C1QTNF7: variants seen among roughly 807,000 people sequenced by gnomAD.
The protein encoded by C1QTNF7 is complement C1q tumor necrosis factor-related protein 7.
Under a neutral mutation model 19.6 loss-of-function variants are expected in C1QTNF7, and 15 were observed. That is an observed-to-expected ratio of 0.76 (90% confidence interval 0.51 to 1.18). The LOEUF (loss-of-function observed/expected upper bound fraction) is 1.18. Among genes scored for constraint, C1QTNF7 ranks in the 50% most tolerant of loss-of-function variants. The pLI is 0.00. For synonymous variants in C1QTNF7, 142 were observed against 137.5 expected, an observed-to-expected ratio of 1.03 and a Z score of -0.23; for missense variants, 324 against 359.7, an observed-to-expected ratio of 0.90 and a Z score of 0.80.
intron 1 of C1QTNF7, among the ~76,000 whole-genome samples, chr4:15,412,869 A>G (rs1719456476): frequency 6.6e-6 from 1 of 152,202 alleles, no homozygotes; most frequent in Non-Finnish European, 1.5e-5. Flanking sequence ...GAGATCACAT[A>G]AAAAGAACAT....
chr4:15,366,659 A>T (rs1717534730), intron 1 of C1QTNF7, among the ~76,000 whole-genome samples: 1 of 148,642 alleles, frequency 6.7e-6, no homozygotes, highest in South Asian at 2.1e-4. Flanking sequence ...TCTCTTTTTT[A>T]AATTTTCTTT....
chr4:15,346,761 C>G (rs891096551), intron 1 of C1QTNF7, among the ~76,000 whole-genome samples: 10 of 152,150 alleles, frequency 6.6e-5, no homozygotes, highest in African/African-American at 1.4e-4. Context: ...TTAGCATTCC[C>G]TCCTTTCCTT....
upstream of C1QTNF7, among the ~76,000 whole-genome samples, chr4:15,424,752 T>C (rs1711960022): frequency 6.6e-6 from 1 of 152,218 alleles, no homozygotes; most frequent in African/African-American, 2.4e-5. Flanking sequence ...TAGCTTTCTT[T>C]TATGTGGACT....
chr4:15,407,182 T>C (rs1338569787), intron 1 of C1QTNF7, among the ~76,000 whole-genome samples: 3 of 152,086 alleles, frequency 2.0e-5, no homozygotes, highest in South Asian at 2.1e-4. Flanking sequence ...GTAACACCAA[T>C]GGTACAGCCC....
chr4:15,424,053 A>C (rs936963638), upstream of C1QTNF7, among the ~76,000 whole-genome samples: 2 of 152,216 alleles, frequency 1.3e-5, no homozygotes, highest in African/African-American at 4.8e-5. Context: ...TGTTCTAGCC[A>C]AATTCTGTTG....
exon 1 of C1QTNF7, chr4:15,340,005 C>T (rs1030274883): frequency 2.4e-5 from 17 of 718,944 alleles, no homozygotes; most frequent in Non-Finnish European, 3.3e-5. Flanking sequence ...AGCATGAGCT[C>T]CAAGCTTCAA....
chr4:15,424,878 T>C (rs1711966144), upstream of C1QTNF7, among the ~76,000 whole-genome samples: 2 of 152,148 alleles, frequency 1.3e-5, no homozygotes, highest in Admixed American at 1.3e-4. Context: ...AAATTCCAAG[T>C]GGATGGGAAT....
intron 1 of C1QTNF7, among the ~76,000 whole-genome samples, chr4:15,386,782 C>T (rs1032840446): frequency 6.6e-6 from 1 of 152,172 alleles, no homozygotes; most frequent in East Asian, 1.9e-4. Flanking sequence ...GGAGCATGCA[C>T]AGCAGGCTTG....
At chr4:15,353,672 G>A (rs146512134) in intron 1 of C1QTNF7, among the ~76,000 whole-genome samples, 1 of 151,974 alleles carries the variant, frequency 6.6e-6, no homozygotes, top group Non-Finnish European at 1.5e-5. Flanking sequence ...TAACCAGGGA[G>A]CGGGACAACT....
chr4:15,375,438 G>T lies in C1QTNF7; in HGVS notation c.13+35231G>T, dbSNP rs564226281. Among the ~76,000 whole-genome samples the T allele has an allele frequency of 8.5e-5, 13 of 152,320 alleles. No homozygotes were observed. The East Asian group carries it at 2.1e-3, about 25-fold the overall frequency. On this transcript the variant is annotated intron_variant, in intron 1 of 2. Transcript: ENST00000295297. ...CTAAATTGTGTTGGTAAAACTATGA[G>T]TTTGCATTAATAGTAATTCTATAAA...
chr4:15,400,301 C>T (rs1341926467), intron 1 of C1QTNF7, among the ~76,000 whole-genome samples: 3 of 152,324 alleles, frequency 2.0e-5, no homozygotes, highest in African/African-American at 4.8e-5. Flanking sequence ...GCAGCTCCCA[C>T]GGCTCTTTGA....
chr4:15,347,625 G>A (rs1417557948), intron 1 of C1QTNF7, among the ~76,000 whole-genome samples: 1 of 152,102 alleles, frequency 6.6e-6, no homozygotes, highest in African/African-American at 2.4e-5. Flanking sequence ...CCTGTACTGA[G>A]AAAGAATCTG....
At position 15,355,881 on chromosome 4, in the gene C1QTNF7, A is replaced by G. The variant is rs533842123; in HGVS notation, c.13+15674A>G. Among the ~76,000 whole-genome samples the G allele has an allele frequency of 3.3e-5, 5 of 152,228 alleles. No individual in the cohort carries two copies. In the South Asian group the frequency reaches 1.0e-3, roughly 32 times the overall value. On this transcript the variant is annotated intron_variant, in intron 1 of 2. Transcript: ENST00000295297. ...TTTTGTTTGTTTGTTTTTAAAAGAC[A>G]GGGTACCACTACGTTGTCCAAGCTG...
chr4:15,388,695 A>G (rs1718436999), intron 1 of C1QTNF7, among the ~76,000 whole-genome samples: 1 of 152,236 alleles, frequency 6.6e-6, no homozygotes, highest in South Asian at 2.1e-4. Flanking sequence ...GTTGGAAGAA[A>G]AAAGGTTCAG....
chr4:15,440,530 T>C (rs952115580), intron 2 of C1QTNF7, among the ~76,000 whole-genome samples: 1 of 151,640 alleles, frequency 6.6e-6, no homozygotes, highest in African/African-American at 2.4e-5. Flanking sequence ...GCCTCAGCCT[T>C]CCGAGTAGCT....
At chr4:15,372,437 C>G (rs987932615) in intron 1 of C1QTNF7, among the ~76,000 whole-genome samples, 2 of 152,222 alleles carry the variant, frequency 1.3e-5, no homozygotes, top group Non-Finnish European at 2.9e-5. Flanking sequence ...GCACCCAGAT[C>G]TCAGACTTCC....
In C1QTNF7 at chr4:15,340,667, G is replaced by A. The variant is rs140021626; in HGVS notation, c.13+460G>A. On this transcript the variant is annotated intron_variant, in intron 1 of 2. Transcript: ENST00000295297. ...CTTTCCAAAAATCCTCCTAAGTGCA[G>A]TTACTATGGCTTCTTATTAACTTGT... Among the ~76,000 whole-genome samples the A allele has an allele frequency of 3.8e-3, 573 of 152,226 alleles. 1 individual carries two copies. Among genetic ancestry groups the A allele is most frequent in the Non-Finnish European group, 6.3e-3 (429 of 68,016 alleles).
intron 1 of C1QTNF7, among the ~76,000 whole-genome samples, chr4:15,435,035 T>C (rs1036222936): frequency 2.0e-5 from 3 of 152,210 alleles, no homozygotes; most frequent in Non-Finnish European, 4.4e-5. Context: ...AAATAGTCCA[T>C]AAATTCTAAG....
intron 1 of C1QTNF7, chr4:15,374,900 A>G (rs1717875212): frequency 2.6e-6 from 1 of 379,626 alleles, no homozygotes; most frequent in East Asian, 1.7e-4. Flanking sequence ...AGGGGTGTTT[A>G]CCGACTGGGG....
Sources: allele counts gnomAD v4.1 joint callset (sites outside exome capture counted in the v4.1 genomes callset), GRCh38; gene constraint gnomAD v4.1.1; transcripts MANE v1.5; gene names NCBI Gene and HGNC (gene_info 2026-07-23, HGNC 2026-07-21).